CDKN2B-AS1: variants seen among roughly 807,000 people sequenced by gnomAD.
The protein encoded by CDKN2B-AS1 is CDKN2B and CDKN2A antisense cis and trans regulatory RNA 1, also known as CDKN2B antisense RNA 1 (non-protein coding).
At chr9:22,024,135 T>C (rs1822128677) in intron 1 of CDKN2B-AS1, among the ~76,000 whole-genome samples, 1 of 152,364 alleles carries the variant, frequency 6.6e-6, no homozygotes, top group South Asian at 2.1e-4. Context: ...TCCTATTTGA[T>C]GACCTTGAGG....
chr9:22,031,837 G>A (rs758419414), intron 1 of CDKN2B-AS1, among the ~76,000 whole-genome samples: 13 of 152,312 alleles, frequency 8.5e-5, no homozygotes, highest in Admixed American at 3.3e-4. Flanking sequence ...TGCGACCTCC[G>A]TCTTGCCAGA....
intron 1 of CDKN2B-AS1, chr9:22,009,087 C>T (rs1821354780): frequency 1.5e-6 from 2 of 1,353,158 alleles, no homozygotes; most frequent in Non-Finnish European, 2.1e-6. Flanking sequence ...AGCTTCATTA[C>T]CCTCCCGTCG....
At position 21,996,191 on chromosome 9, in the gene CDKN2B-AS1, C is replaced by T. The variant is rs199635849; in HGVS notation, n.29+1030C>T. ...GCGGCAGACTTCTCTTTCCCCATCCCCCGCCCCATCACTTGACGTTGCTGC... is the reference window on the plus strand; with the variant it reads ...GCGGCAGACTTCTCTTTCCCCATCCTCCGCCCCATCACTTGACGTTGCTGC... On this transcript the variant is annotated intron_variant and non_coding_transcript_variant, in intron 1 of 4. Coordinates refer to ENST00000650946, the Ensembl canonical transcript of CDKN2B-AS1. The surrounding 1 kb of genome is among the most constrained non-coding windows in gnomAD (Gnocchi z 5.4). Among the ~76,000 whole-genome samples the T allele has an allele frequency of 2.0e-5, 3 of 152,198 alleles. No individual in the cohort carries two copies. Among genetic ancestry groups the T allele is most frequent in the Non-Finnish European group, 4.4e-5 (3 of 68,034 alleles).
At position 22,036,746 on chromosome 9, in the gene CDKN2B-AS1, C is replaced by G. The variant is rs548532025; in HGVS notation, n.30-10005C>G. ...CTTCATGCAAACCTTTGAGAACAAT[C>G]TCTTGAAACAAGGCTAAAATGCCTT... On this transcript the variant is annotated intron_variant and non_coding_transcript_variant, in intron 1 of 4. Coordinates refer to ENST00000650946, the Ensembl canonical transcript of CDKN2B-AS1. 3.9e-5 allele frequency among the ~76,000 whole-genome samples: 6 copies of G among 152,218 alleles called. No homozygotes were observed. In the South Asian group the frequency reaches 1.2e-3, roughly 32 times the overall value.
At chr9:22,029,493 T>A (rs978124950) in intron 1 of CDKN2B-AS1, 1 of 779,556 alleles carries the variant, frequency 1.3e-6, no homozygotes, top group African/African-American at 1.7e-5. Context: ...CATGCTGTGA[T>A]GATTCCTCAG....
chr9:22,124,826 C>T (rs889562344), intron 4 of CDKN2B-AS1, among the ~76,000 whole-genome samples: 2 of 152,114 alleles, frequency 1.3e-5, no homozygotes, highest in African/African-American at 4.8e-5. Flanking sequence ...GTTTTATGAC[C>T]ACAGGCTTTA....
chr9:22,031,936 C>T (rs1423350323), intron 1 of CDKN2B-AS1, among the ~76,000 whole-genome samples: 2 of 152,186 alleles, frequency 1.3e-5, no homozygotes, highest in Non-Finnish European at 2.9e-5. Flanking sequence ...CTCTGGCCAA[C>T]AGCAAGCAGT....
At chr9:22,096,337 G>A (rs368423972) in intron 4 of CDKN2B-AS1, 1 of 152,170 alleles carries the variant, frequency 6.6e-6, no homozygotes, top group Non-Finnish European at 1.5e-5. Context: ...GACACCATTC[G>A]TTCATTCCTG....
At chr9:22,090,056 C>T (rs1338592444) in intron 4 of CDKN2B-AS1, among the ~76,000 whole-genome samples, 1 of 149,370 alleles carries the variant, frequency 6.7e-6, no homozygotes. Context: ...CAATTCCCAC[C>T]TATGAGTGAG....
At chr9:22,031,506 A>G (rs572048664) in intron 1 of CDKN2B-AS1, among the ~76,000 whole-genome samples, 12 of 152,224 alleles carry the variant, frequency 7.9e-5, no homozygotes, top group South Asian at 6.2e-4. Context: ...TGCTTTCTTT[A>G]GATCAACCCA....
intron 4 of CDKN2B-AS1, among the ~76,000 whole-genome samples, chr9:22,102,027 G>C (rs1023180181): frequency 1.2e-4 from 19 of 152,138 alleles, no homozygotes; most frequent in African/African-American, 4.6e-4. Flanking sequence ...GACACATTTT[G>C]TTGTGCCCAC....
At chr9:22,015,642 TTTA>T (rs1166591560) in intron 1 of CDKN2B-AS1, among the ~76,000 whole-genome samples, 1 of 151,940 alleles carries the variant, frequency 6.6e-6, no homozygotes, top group Non-Finnish European at 1.5e-5. Context: ...TTTATTTTTC[TTTA>T]TTATTATTAT....
chr9:22,118,710 A>T (rs1308561380), intron 4 of CDKN2B-AS1: 1 of 152,238 alleles, frequency 6.6e-6, no homozygotes, highest in Non-Finnish European at 1.5e-5. Context: ...CCTTAAGTAG[A>T]TTCACCATAA....
At position 22,006,875 on chromosome 9, in the gene CDKN2B-AS1, G is replaced by T. The variant is rs1318269778; in HGVS notation, n.29+11714G>T. 6.6e-6 allele frequency among the ~76,000 whole-genome samples: 1 copy of T among 152,006 alleles called. No individual in the cohort carries two copies. On this transcript the variant is annotated intron_variant and non_coding_transcript_variant, in intron 1 of 4. Coordinates refer to ENST00000650946, the Ensembl canonical transcript of CDKN2B-AS1. The surrounding 1 kb of genome is among the most constrained non-coding windows in gnomAD (Gnocchi z 6.4). ...TAATTTGAGCCAAAGTTGGAGATTAGAAGGGAAAAGTAAATTAAATCATGC... is the reference window on the plus strand; with the variant it reads ...TAATTTGAGCCAAAGTTGGAGATTATAAGGGAAAAGTAAATTAAATCATGC...
chr9:22,028,697 T>C (rs1822339905), intron 1 of CDKN2B-AS1, among the ~76,000 whole-genome samples: 1 of 152,150 alleles, frequency 6.6e-6, no homozygotes, highest in Non-Finnish European at 1.5e-5. Context: ...AAATAGTACC[T>C]GAAACTTAAC....
intron 4 of CDKN2B-AS1, among the ~76,000 whole-genome samples, chr9:22,111,366 G>C (rs1034422947): frequency 6.6e-6 from 1 of 152,050 alleles, no homozygotes; most frequent in Admixed American, 6.6e-5. Flanking sequence ...AAGGTCTGGA[G>C]AATTTAAAAT....
At chr9:22,021,949 G>A (rs572591376) in intron 1 of CDKN2B-AS1, among the ~76,000 whole-genome samples, 28 of 152,186 alleles carry the variant, frequency 1.8e-4, no homozygotes, top group African/African-American at 6.0e-4. Flanking sequence ...TTCACTTTCC[G>A]TGTAATTGTA....
intron 1 of CDKN2B-AS1, chr9:22,008,620 T>A: frequency 1.3e-6 from 2 of 1,563,076 alleles, no homozygotes; most frequent in East Asian, 4.6e-5. Flanking sequence ...TTTTTCAATG[T>A]CTCTCTTTAG....
In CDKN2B-AS1 at chr9:22,000,051, G is replaced by A. The variant is rs1820856196; in HGVS notation, n.29+4890G>A. 6.6e-6 allele frequency among the ~76,000 whole-genome samples: 1 copy of A among 152,144 alleles called. No homozygotes were observed. The highest frequency in any genetic ancestry group is 6.5e-5 in the Admixed American group (1 of 15,268). ...CTTACTACTTTTTGCTTTCTGGACT[G>A]TTTGAAAGTTTACCATGAGCAAGAA... On this transcript the variant is annotated intron_variant and non_coding_transcript_variant, in intron 1 of 4. Transcript: ENST00000650946. The surrounding 1 kb of genome is among the most constrained non-coding windows in gnomAD (Gnocchi z 4.1).
Sources: allele counts gnomAD v4.1 joint callset (sites outside exome capture counted in the v4.1 genomes callset), GRCh38; gene constraint gnomAD v4.1.1; non-coding constraint Gnocchi (gnomAD v3.1); transcripts MANE v1.5; gene names NCBI Gene and HGNC (gene_info 2026-07-23, HGNC 2026-07-21).